The following NFIB variants were observed in gnomAD, a reference collection of about 807,000 sequenced individuals.
NFIB encodes nuclear factor I B, also known as nuclear factor 1 B-type.
In NFIB, 11 loss-of-function variants were observed where a neutral mutation model predicts 61.5. The observed-to-expected ratio is 0.18, with a 90% CI of 0.11 to 0.30. The LOEUF (loss-of-function observed/expected upper bound fraction) is 0.30, where lower values mean the gene tolerates loss of function less well. Ranked by LOEUF, NFIB falls within the 10% of genes least tolerant of loss-of-function variation. The pLI, the probability that NFIB is intolerant of heterozygous loss-of-function variation, is 1.00. For synonymous variants in NFIB, 260 were observed against 216.5 expected (o/e 1.20, Z -1.76); for missense variants, 471 against 608.9 (o/e 0.77, Z 2.38).
intron 2 of NFIB, among the ~76,000 whole-genome samples, chr9:14,257,873 T>A (rs1587972346): frequency 6.6e-6 from 1 of 152,224 alleles, no homozygotes; most frequent in South Asian, 2.1e-4. Flanking sequence ...TTATTTGTTA[T>A]CATGCTAAAG....
the NFIB span, among the ~76,000 whole-genome samples, chr9:14,476,795 T>C: frequency 1.3e-5 from 2 of 152,186 alleles, no homozygotes; most frequent in Non-Finnish European, 2.9e-5. Context: ...ATCTCTTCAA[T>C]TGTTGAAAGA....
At chr9:14,116,740 AT>A (rs2038206364) in intron 8 of NFIB, among the ~76,000 whole-genome samples, 2 of 152,182 alleles carry the variant, frequency 1.3e-5, no homozygotes, top group African/African-American at 4.8e-5. Context: ...TCTGCTCTTC[AT>A]TTTCTATAAT....
At chr9:14,200,613 C>G (rs2048928690) in intron 2 of NFIB, among the ~76,000 whole-genome samples, 1 of 152,092 alleles carries the variant, frequency 6.6e-6, no homozygotes, top group African/African-American at 2.4e-5. Context: ...TTCTCCTTCC[C>G]TTTTCCTTTA....
intron 2 of NFIB, among the ~76,000 whole-genome samples, chr9:14,244,434 T>C (rs922159094): frequency 6.6e-6 from 1 of 152,202 alleles, no homozygotes; most frequent in Non-Finnish European, 1.5e-5. Context: ...TCAAAATGAA[T>C]GAAACTTACC....
intron 1 of NFIB, among the ~76,000 whole-genome samples, chr9:14,341,370 T>C (rs2060948032): frequency 6.6e-6 from 1 of 152,104 alleles, no homozygotes; most frequent in Non-Finnish European, 1.5e-5. Context: ...TCTTTGTAGT[T>C]TACAGAAAGG....
At chr9:14,153,145 A>G (rs887842460) in intron 4 of NFIB, among the ~76,000 whole-genome samples, 5 of 152,152 alleles carry the variant, frequency 3.3e-5, no homozygotes, top group African/African-American at 1.2e-4. Context: ...GATTCCATAA[A>G]TATGTACACA....
chr9:14,304,722 A>G (rs967397367), intron 2 of NFIB, among the ~76,000 whole-genome samples: 1 of 152,206 alleles, frequency 6.6e-6, no homozygotes, highest in Non-Finnish European at 1.5e-5. Context: ...GTGAGTTATC[A>G]TGTACTTAGA....
chr9:14,396,431 C>G (rs565382472), intron 1 of NFIB, among the ~76,000 whole-genome samples: 1 of 152,210 alleles, frequency 6.6e-6, no homozygotes, highest in African/African-American at 2.4e-5. Flanking sequence ...CATGGGAGCT[C>G]TCCATTGAGT....
intron 1 of NFIB, among the ~76,000 whole-genome samples, chr9:14,383,722 A>T (rs1157482777): frequency 6.6e-6 from 1 of 152,240 alleles, no homozygotes; most frequent in African/African-American, 2.4e-5. Flanking sequence ...ACCTTTCATC[A>T]TGGCAGAGAG....
At chr9:14,511,120 C>T in the NFIB span, among the ~76,000 whole-genome samples, 1 of 152,036 alleles carries the variant, frequency 6.6e-6, no homozygotes, top group Non-Finnish European at 1.5e-5. Flanking sequence ...TTATACTTGC[C>T]AATTTATATT....
intron 6 of NFIB, among the ~76,000 whole-genome samples, chr9:14,134,576 G>A (rs1480604214): frequency 2.6e-5 from 4 of 152,132 alleles, no homozygotes; most frequent in African/African-American, 9.7e-5. Context: ...TGTAGCCAAA[G>A]TGTGGCATAT....
At chr9:14,172,458 T>C (rs2045671958) in intron 3 of NFIB, among the ~76,000 whole-genome samples, 1 of 152,128 alleles carries the variant, frequency 6.6e-6, no homozygotes, top group Non-Finnish European at 1.5e-5. Flanking sequence ...AAAAAAATTA[T>C]ACAATGTTAA....
rs577706014 is a variant in NFIB at position 14,102,539 on chromosome 9, T to C, written c.1467+10460A>G. 82 of 1,539,232 alleles carry C rather than the reference T, an allele frequency of 5.3e-5. No homozygotes were observed. In the African/African-American group the frequency reaches 9.5e-4, roughly 18 times the overall value. On this transcript the variant is annotated intron_variant, in intron 10 of 10. Coordinates refer to ENST00000380953, the MANE Select transcript of NFIB (RefSeq NM_001190737.2). ...TCAATTGAAACCTAGCAGTCAGATA[T>C]GGATCGAGCAGTACTACAGTTTTTA...
At chr9:14,116,433 T>C (rs1046519918) in intron 8 of NFIB, 87 bp from the exon 9 acceptor site, 1 of 1,345,036 alleles carries the variant, frequency 7.4e-7, no homozygotes, top group Non-Finnish European at 9.7e-7. Flanking sequence ...CACGACTGTG[T>C]GGATCCAGCA....
At chr9:14,513,627 C>CA in the NFIB span, among the ~76,000 whole-genome samples, 64,237 of 113,260 alleles carry the variant, frequency 0.57, 15,786 homozygotes, top group Middle Eastern at 0.66. Flanking sequence ...GACTCCATCT[C>CA]AAAAAAAAAA....
At chr9:14,138,802 C>G (rs1046239309) in intron 6 of NFIB, among the ~76,000 whole-genome samples, 10 of 152,040 alleles carry the variant, frequency 6.6e-5, no homozygotes, top group African/African-American at 2.4e-4. Flanking sequence ...ACAAACTCTT[C>G]CCCACATTTA....
upstream of NFIB, among the ~76,000 whole-genome samples, chr9:14,316,071 C>G (rs981481300): frequency 6.6e-6 from 1 of 152,168 alleles, no homozygotes; most frequent in African/African-American, 2.4e-5. Context: ...GTCCACCGTC[C>G]CCTCTTCCCT....
chr9:14,230,686 A>T (rs193106338), intron 2 of NFIB, among the ~76,000 whole-genome samples: 4 of 152,346 alleles, frequency 2.6e-5, no homozygotes, highest in Non-Finnish European at 5.9e-5. Flanking sequence ...AAGTGAAGGC[A>T]TTTAGGTAGA....
At chr9:14,480,263 C>T in the NFIB span, among the ~76,000 whole-genome samples, 1 of 151,970 alleles carries the variant, frequency 6.6e-6, no homozygotes, top group Middle Eastern at 3.2e-3. Flanking sequence ...AATTACCTTG[C>T]CCAGAATTTG....
Sources: gnomAD v4.1 joint callset for allele counts (sites outside exome capture counted in the v4.1 genomes callset) on GRCh38, gnomAD v4.1.1 for gene constraint, MANE v1.5 for transcripts, NCBI Gene and HGNC (gene_info 2026-07-23, HGNC 2026-07-21) for gene names.